Variants in GRIK2 observed in about 807,000 individuals in gnomAD.
GRIK2 encodes the protein glutamate receptor ionotropic, kainate 2.
GRIK2 carries 32 observed loss-of-function variants against 100.3 expected under a neutral mutation model. That is an observed-to-expected ratio of 0.32 (90% CI 0.24 to 0.43). The LOEUF (loss-of-function observed/expected upper bound fraction) is 0.43, where lower values mean the gene tolerates loss of function less well. Among genes scored for constraint, GRIK2 ranks in the 20% least tolerant of loss-of-function variants. The pLI is 1.00. For synonymous variants in GRIK2, 417 were observed against 389.4 expected (o/e 1.07, Z -0.83); for missense variants, 843 against 1,114.9 (o/e 0.76, Z 3.47).
At chr6:102,064,535 G>A (rs1437029191) in intron 16 of GRIK2, among the ~76,000 whole-genome samples, 2 of 149,070 alleles carry the variant, frequency 1.3e-5, no homozygotes, top group Non-Finnish European at 3.0e-5. Flanking sequence ...TTACTGCCTA[G>A]TGCACTTGGG....
At chr6:101,853,156 A>G (rs182404739) in intron 10 of GRIK2, among the ~76,000 whole-genome samples, 19 of 152,182 alleles carry the variant, frequency 1.2e-4, no homozygotes, top group African/African-American at 4.1e-4. Context: ...AAATAGTGGG[A>G]AAAGTAGGTA....
At chr6:102,030,555 C>T (rs1358977001) in intron 14 of GRIK2, among the ~76,000 whole-genome samples, 1 of 151,190 alleles carries the variant, frequency 6.6e-6, no homozygotes, top group Non-Finnish European at 1.5e-5. Flanking sequence ...GTTGCCATAT[C>T]CAAAGGAAAT....
intron 2 of GRIK2, among the ~76,000 whole-genome samples, chr6:101,468,508 C>T (rs1413364514): frequency 6.6e-6 from 1 of 151,810 alleles, no homozygotes; most frequent in Non-Finnish European, 1.5e-5. Flanking sequence ...AAATTCCAGG[C>T]AGATTTTAGT....
At chr6:101,957,151 A>G (rs1327581992) in intron 14 of GRIK2, among the ~76,000 whole-genome samples, 4 of 151,884 alleles carry the variant, frequency 2.6e-5, no homozygotes, top group Non-Finnish European at 5.9e-5. Context: ...ATGTGCTACA[A>G]CATGTGTTAA....
At chr6:101,495,563 C>T (rs1258529485) in intron 2 of GRIK2, among the ~76,000 whole-genome samples, 1 of 152,018 alleles carries the variant, frequency 6.6e-6, no homozygotes, top group Non-Finnish European at 1.5e-5. Flanking sequence ...GATTGGTTTC[C>T]ATACATTATG....
chr6:101,488,532 T>G (rs1000509952), intron 2 of GRIK2, among the ~76,000 whole-genome samples: 1 of 146,720 alleles, frequency 6.8e-6, no homozygotes, highest in Non-Finnish European at 1.5e-5. Context: ...TATTTTCACT[T>G]TTGGGAATTG....
intron 11 of GRIK2, among the ~76,000 whole-genome samples, chr6:101,871,224 G>T (rs1333455519): frequency 6.7e-6 from 1 of 149,750 alleles, no homozygotes; most frequent in Non-Finnish European, 1.5e-5. Context: ...CTTTTTGGAT[G>T]GATCATTTCT....
chr6:101,560,255 T>A (rs974828199), intron 2 of GRIK2, among the ~76,000 whole-genome samples: 2 of 152,110 alleles, frequency 1.3e-5, no homozygotes, highest in Non-Finnish European at 2.9e-5. Context: ...TAGTCTGCAG[T>A]GGATTTTATC....
chr6:101,426,456 C>A lies in GRIK2; in HGVS notation c.115+27064C>A, dbSNP rs1031948898. Among the ~76,000 whole-genome samples, 3 of 152,162 alleles carry A rather than the reference C, an allele frequency of 2.0e-5. No individual in the cohort carries two copies. The South Asian group carries it at 6.2e-4, about 32-fold the overall frequency. On this transcript the variant is annotated intron_variant, in intron 2 of 16. Coordinates refer to ENST00000369134, the MANE Select transcript of GRIK2 (RefSeq NM_021956.5). ...CTAACTGTATTTTTGTATCAATTAA[C>A]CAACCTCTCTTTATCCCCCCTCCTC...
intron 2 of GRIK2, among the ~76,000 whole-genome samples, chr6:101,446,405 T>C (rs1011893152): frequency 3.3e-5 from 5 of 151,970 alleles, no homozygotes; most frequent in African/African-American, 1.2e-4. Context: ...AATACACTCC[T>C]TATTACGACG....
rs528937011 is a variant in GRIK2 at position 101,901,731 on chromosome 6, C to T, written c.1748+11868C>T. Among the ~76,000 whole-genome samples, 12 of 151,602 alleles carry T rather than the reference C, an allele frequency of 7.9e-5. No homozygotes were observed. In the South Asian group the frequency reaches 2.5e-3, roughly 32 times the overall value. Reference sequence around the variant, plus strand: ...GATTATTTTATTGTTTTTAGTTATCCATTTAAGACTAAATCATATTTATTT... The same window carrying T: ...GATTATTTTATTGTTTTTAGTTATCTATTTAAGACTAAATCATATTTATTT... On this transcript the variant is annotated intron_variant, in intron 12 of 16. Coordinates refer to ENST00000369134, the MANE Select transcript of GRIK2 (RefSeq NM_021956.5).
At chr6:101,668,817 G>T (rs898399955) in intron 4 of GRIK2, among the ~76,000 whole-genome samples, 3 of 152,170 alleles carry the variant, frequency 2.0e-5, no homozygotes, top group Non-Finnish European at 4.4e-5. Context: ...CGTAGAAGTG[G>T]TGTGATTAAT....
intron 14 of GRIK2, among the ~76,000 whole-genome samples, chr6:101,986,862 G>A (rs1047206073): frequency 2.0e-5 from 3 of 151,802 alleles, no homozygotes; most frequent in African/African-American, 7.2e-5. Flanking sequence ...AAAACTGGCC[G>A]GGGACAGTGG....
intron 2 of GRIK2, among the ~76,000 whole-genome samples, chr6:101,527,757 C>T (rs555736371): frequency 6.6e-6 from 1 of 152,256 alleles, no homozygotes; most frequent in Non-Finnish European, 1.5e-5. Flanking sequence ...CTAGTATGCA[C>T]AACCCAGTAG....
chr6:102,062,399 C>G (rs891869875), intron 16 of GRIK2, among the ~76,000 whole-genome samples: 1 of 150,202 alleles, frequency 6.7e-6, no homozygotes, highest in Non-Finnish European at 1.5e-5. Context: ...TATGATAAAG[C>G]TTTCATAGAT....
intron 2 of GRIK2, among the ~76,000 whole-genome samples, chr6:101,553,326 A>C (rs1351952974): frequency 1.3e-5 from 2 of 152,184 alleles, no homozygotes; most frequent in East Asian, 3.9e-4. Flanking sequence ...TTACTTTAAA[A>C]TGTGTTAATT....
At chr6:102,034,213 A>G (rs1186857924) in intron 14 of GRIK2, among the ~76,000 whole-genome samples, 2 of 151,208 alleles carry the variant, frequency 1.3e-5, no homozygotes, top group African/African-American at 4.8e-5. Flanking sequence ...TCTTTTTCCT[A>G]GTAAATCATA....
intron 4 of GRIK2, among the ~76,000 whole-genome samples, chr6:101,642,872 T>G (rs2128325130): frequency 6.6e-6 from 1 of 151,784 alleles, no homozygotes. Context: ...AGTTCTAACT[T>G]ATCCGTATCC....
At chr6:101,933,002 G>C (rs1020538780) in intron 14 of GRIK2, among the ~76,000 whole-genome samples, 1 of 151,822 alleles carries the variant, frequency 6.6e-6, no homozygotes, top group African/African-American at 2.4e-5. Flanking sequence ...AGCCACACAC[G>C]CCGTTCTTTT....
Sources: allele counts gnomAD v4.1 joint callset (sites outside exome capture counted in the v4.1 genomes callset), GRCh38; gene constraint gnomAD v4.1.1; transcripts MANE v1.5; gene names NCBI Gene and HGNC (gene_info 2026-07-23, HGNC 2026-07-21).